Variants in CHST11 observed in about 807,000 individuals in gnomAD.
CHST11 encodes carbohydrate sulfotransferase 11.
CHST11 carries 9 observed loss-of-function variants against 30.4 expected under a neutral mutation model. The ratio of observed to expected loss-of-function variants is 0.30; its 90% CI spans 0.18 to 0.52. CHST11 has a LOEUF of 0.52. CHST11 is among the 20% of genes least tolerant of loss of function. CHST11 has a pLI of 0.97. For missense variants in CHST11, 348 were observed against 460.6 expected, an observed-to-expected ratio of 0.76 and a Z score of 2.24; for synonymous variants, 152 against 187.8, an observed-to-expected ratio of 0.81 and a Z score of 1.56.
chr12:104,519,877 C>G (rs187939754), intron 1 of CHST11, among the ~76,000 whole-genome samples: 22 of 152,296 alleles, frequency 1.4e-4, no homozygotes, highest in Admixed American at 2.6e-4. Context: ...TCGGCAAAGC[C>G]TTCACAGTTG....
intron 2 of CHST11, among the ~76,000 whole-genome samples, chr12:104,688,655 TC>T (rs2039870214): frequency 6.6e-6 from 1 of 152,222 alleles, no homozygotes; most frequent in South Asian, 2.1e-4. Context: ...ATGTTAAGGA[TC>T]CTTAAGGATG....
At chr12:104,475,845 A>G (rs1332752011) in intron 1 of CHST11, among the ~76,000 whole-genome samples, 6 of 144,844 alleles carry the variant, frequency 4.1e-5, no homozygotes, top group Middle Eastern at 7.2e-3. Flanking sequence ...GAAGGTCAAG[A>G]GATTTTTCCT....
chr12:104,460,544 A>G (rs1305564415), intron 1 of CHST11, among the ~76,000 whole-genome samples: 4 of 152,022 alleles, frequency 2.6e-5, no homozygotes, highest in African/African-American at 9.7e-5. Flanking sequence ...CACGCCTGTA[A>G]TCCCAGGAAC....
At chr12:104,532,849 A>G (rs2038199184) in intron 1 of CHST11, among the ~76,000 whole-genome samples, 1 of 151,842 alleles carries the variant, frequency 6.6e-6, no homozygotes, top group Non-Finnish European at 1.5e-5. Context: ...CCCCACACCC[A>G]CCATAACCCT....
intron 2 of CHST11, among the ~76,000 whole-genome samples, chr12:104,650,368 G>A (rs1345981862): frequency 1.3e-5 from 2 of 152,112 alleles, no homozygotes; most frequent in Non-Finnish European, 2.9e-5. Flanking sequence ...GATGGGTTTG[G>A]CGGATTTGTT....
intron 2 of CHST11, among the ~76,000 whole-genome samples, chr12:104,680,642 G>A (rs1181319590): frequency 6.6e-6 from 1 of 152,224 alleles, no homozygotes; most frequent in African/African-American, 2.4e-5. Flanking sequence ...TGCTCCATGT[G>A]GGAAGGAAAT....
intron 1 of CHST11, among the ~76,000 whole-genome samples, chr12:104,518,364 G>C (rs1336091558): frequency 6.6e-6 from 1 of 152,138 alleles, no homozygotes; most frequent in Admixed American, 6.6e-5. Context: ...AAGGAGGGAA[G>C]ATTCGGATGA....
At chr12:104,571,093 A>G (rs1453664634) in intron 1 of CHST11, among the ~76,000 whole-genome samples, 2 of 152,084 alleles carry the variant, frequency 1.3e-5, no homozygotes, top group Non-Finnish European at 2.9e-5. Context: ...GGCAGAGAGG[A>G]TAAGTTAATC....
rs1039100748 is a variant in CHST11 at position 104,693,823 on chromosome 12, A to AG, written c.205-63124dup. 3.3e-4 allele frequency among the ~76,000 whole-genome samples: 50 copies of AG among 152,334 alleles called. 1 individual carries two copies. The highest frequency in any genetic ancestry group is 1.1e-3 in the African/African-American group (46 of 41,578). On this transcript the variant is annotated intron_variant, in intron 2 of 2. Coordinates refer to ENST00000303694, the MANE Select transcript of CHST11 (RefSeq NM_018413.6). ...ATACCAAGGCCTCAATCTAGAGATT[A>AG]GGCCTCTGGGCTCGGGCACACCCCT...
In CHST11 at chr12:104,567,587, C is replaced by A. The variant is rs542312865; in HGVS notation, c.119-34319C>A. On this transcript the variant is annotated intron_variant, in intron 1 of 2. Transcript: ENST00000303694. ...CTGTTGAAACACTTAATTCTGTCCC[C>A]AGTGAGAGCCTCACAGCTCCACCTA... 3.2e-4 allele frequency among the ~76,000 whole-genome samples: 48 copies of A among 152,210 alleles called. 1 individual carries two copies. The highest frequency in any genetic ancestry group is 2.2e-3 in the Admixed American group (33 of 15,276).
intron 2 of CHST11, among the ~76,000 whole-genome samples, chr12:104,604,899 T>C (rs147005571): frequency 6.6e-6 from 1 of 152,320 alleles, no homozygotes; most frequent in African/African-American, 2.4e-5. Flanking sequence ...AGATACTATC[T>C]AGATGCTTAT....
chr12:104,757,387 A>G lies in CHST11; in HGVS notation c.643A>G (p.Lys215Glu). ...CTCCTTCCACAAGCGGTACGGCACC[A>G]AGATCATCAAACGCCAGCGGAAGAA... ...NISFHKRYGT[K>E]IIKRQRKNAT... The change falls in exon 3 of 3, where the codon AAG (lysine) becomes GAG (glutamate). Residue 215 changes from lysine to glutamate, a missense_variant. By Grantham distance (56) the Lys-to-Glu change is moderately conservative. Transcript: ENST00000303694. This position sits in a 1 kb window ranked among gnomAD's most constrained non-coding sequence, Gnocchi z 6.5. The G allele has an allele frequency of 1.9e-6, 3 of 1,614,136 alleles. No homozygotes were observed. Among genetic ancestry groups the G allele is most frequent in the Non-Finnish European group, 2.5e-6 (3 of 1,180,030 alleles).
chr12:104,650,225 G>A (rs2039477631), intron 2 of CHST11, among the ~76,000 whole-genome samples: 1 of 152,232 alleles, frequency 6.6e-6, no homozygotes, highest in South Asian at 2.1e-4. Context: ...AAATGGAAAA[G>A]TGGACTTGAT....
chr12:104,743,573 C>T (rs2136140531), intron 2 of CHST11, among the ~76,000 whole-genome samples: 1 of 152,338 alleles, frequency 6.6e-6, no homozygotes, highest in South Asian at 2.1e-4. Flanking sequence ...ACAGAGATAT[C>T]ACATGAAACC....
At chr12:104,747,728 A>T (rs1366344294) in intron 2 of CHST11, among the ~76,000 whole-genome samples, 1 of 152,190 alleles carries the variant, frequency 6.6e-6, no homozygotes, top group Non-Finnish European at 1.5e-5. Flanking sequence ...AGGCAGATTC[A>T]GAAAACCCTC....
chr12:104,632,876 T>TG (rs2136068773), intron 2 of CHST11, among the ~76,000 whole-genome samples: 1 of 152,364 alleles, frequency 6.6e-6, no homozygotes, highest in Admixed American at 6.5e-5. Context: ...AAGGAGCCTC[T>TG]TCTAAGCTGG....
At chr12:104,577,304 A>T (rs2038693843) in intron 1 of CHST11, among the ~76,000 whole-genome samples, 1 of 125,620 alleles carries the variant, frequency 8.0e-6, no homozygotes, top group South Asian at 2.4e-4. Context: ...CATAAAATTT[A>T]CCATTTTAAC....
intron 1 of CHST11, among the ~76,000 whole-genome samples, chr12:104,538,434 G>C (rs1211085605): frequency 1.3e-5 from 2 of 152,112 alleles, no homozygotes; most frequent in African/African-American, 2.4e-5. Context: ...TGGCTAAGTA[G>C]TGTTCGTTGA....
intron 1 of CHST11, among the ~76,000 whole-genome samples, chr12:104,599,414 T>C (rs2038937720): frequency 6.6e-6 from 1 of 152,244 alleles, no homozygotes; most frequent in Non-Finnish European, 1.5e-5. Flanking sequence ...ATAGGGAGAA[T>C]TTAATCTTGC....
Sources: gnomAD v4.1 joint callset for allele counts (sites outside exome capture counted in the v4.1 genomes callset) on GRCh38, gnomAD v4.1.1 for gene constraint, Gnocchi (gnomAD v3.1) non-coding constraint, MANE v1.5 for transcripts, NCBI Gene and HGNC (gene_info 2026-07-23, HGNC 2026-07-21) for gene names.